Variants in JPH2 observed in about 807,000 individuals in gnomAD.
JPH2 encodes junctophilin 2.
A neutral mutation model predicts 55.9 loss-of-function variants in JPH2; 38 were observed. That is an observed-to-expected ratio of 0.68 (90% CI 0.52 to 0.89). JPH2 has a LOEUF of 0.89. JPH2 is among the 40% of genes least tolerant of loss of function. JPH2 has a pLI of 0.00. For synonymous variants in JPH2, 480 were observed against 472.4 expected, an observed-to-expected ratio of 1.02 and a Z score of -0.21; for missense variants, 964 against 1,037.6, an observed-to-expected ratio of 0.93 and a Z score of 0.97.
chr20:44,167,652 T>C (rs1378052191), intron 1 of JPH2, among the ~76,000 whole-genome samples: 1 of 152,240 alleles, frequency 6.6e-6, no homozygotes, highest in African/African-American at 2.4e-5. Context: ...CTCCTTGCAG[T>C]TGCTCTTCTG....
rs2072597437 is a variant in JPH2 at position 44,160,050 on chromosome 20, A to T, written c.737T>A (p.Val246Asp). 1 of 1,548,324 alleles carries T rather than the reference A, an allele frequency of 6.5e-7. No homozygotes were observed. Among genetic ancestry groups the T allele is most frequent in the Non-Finnish European group, 8.7e-7 (1 of 1,153,466 alleles). Reference sequence around the variant, plus strand: ...GCTGAGGTCGCTCTTAAGGAAGCTGACACGGCTGCGCTGGCTACCCACGGA... The same window carrying T: ...GCTGAGGTCGCTCTTAAGGAAGCTGTCACGGCTGCGCTGGCTACCCACGGA... ...RTSVGSQRSR[V>D]SFLKSDLSSG... is the part of the protein sequence containing the mutation. Residue 246 changes from valine to aspartate, a missense_variant, in exon 2 of 6, where the codon GTC becomes GAC. Physicochemically the swap from Val to Asp is radical, Grantham distance 152. Coordinates refer to ENST00000372980, the MANE Select transcript of JPH2 (RefSeq NM_020433.5). This position sits in a 1 kb window ranked among gnomAD's most constrained non-coding sequence, Gnocchi z 4.9.
chr20:44,164,671 AAAACAAACAAAC>A (rs34787127), intron 1 of JPH2, among the ~76,000 whole-genome samples: 78,048 of 149,394 alleles, frequency 0.52, 20,460 homozygotes, highest in East Asian at 0.65. Flanking sequence ...AAAGCCTCAA[AAAACAAACAAAC>A]AAACAAACAA....
chr20:44,121,903 G>A lies in JPH2; in HGVS notation c.1170-3280C>T, dbSNP rs571892175. The stretch of plus-strand genomic sequence containing the variant: ...AGCTACTCAGGAGGCTGAGGTCAGC[G>A]GGGGGATTGCTTGAGCCCAGGAGAT... On this transcript the variant is annotated intron_variant, in intron 2 of 5. Transcript: ENST00000372980. Among the ~76,000 whole-genome samples the A allele has an allele frequency of 1.8e-4, 27 of 152,092 alleles. No individual in the cohort carries two copies. In the East Asian group the frequency reaches 2.1e-3, roughly 12 times the overall value.
At chr20:44,169,701 G>A (rs983303867) in intron 1 of JPH2, among the ~76,000 whole-genome samples, 2 of 152,184 alleles carry the variant, frequency 1.3e-5, no homozygotes, top group Non-Finnish European at 2.9e-5. Context: ...TCGGTGCTAC[G>A]GTTTAATGTT....
intron 1 of JPH2, among the ~76,000 whole-genome samples, chr20:44,167,390 C>G (rs1301511847): frequency 1.3e-5 from 2 of 152,168 alleles, no homozygotes; most frequent in African/African-American, 4.8e-5. Flanking sequence ...CAAGTCTTTT[C>G]CTGAATGACA....
rs1220165759 is a variant in JPH2 at position 44,134,545 on chromosome 20, T to C, written c.1170-15922A>G. Among the ~76,000 whole-genome samples, 8 of 45,564 alleles carry C rather than the reference T, an allele frequency of 1.8e-4. 1 individual carries two copies. The highest frequency in any genetic ancestry group is 5.1e-4 in the Admixed American group (1 of 1,980). 29.9% of individuals were successfully genotyped at this position (45,564 alleles called of 152,430 possible). A position where few individuals can be genotyped will look rare whatever the true frequency, so the allele number is the denominator to read the frequency against. On this transcript the variant is annotated intron_variant, in intron 2 of 5. Coordinates refer to ENST00000372980, the MANE Select transcript of JPH2 (RefSeq NM_020433.5). ...TAATAAATATATATAAATAAATATA[T>C]ATTTATAATATATATAAATAAATAT...
At chr20:44,134,496 T>A (rs1224326267) in intron 2 of JPH2, among the ~76,000 whole-genome samples, 5 of 7,038 alleles carry the variant, frequency 7.1e-4, no homozygotes, top group East Asian at 0.01. Context: ...TATATATTTA[T>A]TATATATAAA....
chr20:44,117,605 A>T (rs528510479), intron 3 of JPH2, among the ~76,000 whole-genome samples: 1 of 152,328 alleles, frequency 6.6e-6, no homozygotes, highest in Admixed American at 6.5e-5. Context: ...GCTCCACCTG[A>T]GACCTACTGA....
chr20:44,145,204 C>T (rs2072484978), intron 2 of JPH2, among the ~76,000 whole-genome samples: 1 of 152,222 alleles, frequency 6.6e-6, no homozygotes, highest in African/African-American at 2.4e-5. Flanking sequence ...GGGCCAGGCA[C>T]TGGTCTCACT....
intron 1 of JPH2, chr20:44,177,325 G>A (rs892158392): frequency 2.0e-6 from 2 of 987,034 alleles, no homozygotes; most frequent in East Asian, 1.1e-4. Flanking sequence ...AGGGTGTGGA[G>A]GGCAGGGCCT....
chr20:44,151,362 C>T (rs1400843025), intron 2 of JPH2, among the ~76,000 whole-genome samples: 1 of 152,028 alleles, frequency 6.6e-6, no homozygotes. Flanking sequence ...ACTAAAAATA[C>T]AAAAATTGGC....
At position 44,110,248 on chromosome 20, in the gene JPH2, C is replaced by A. The variant is rs939919363; in HGVS notation, c.*3270G>T. ...CATACACACACACACACAGACACAC[C>A]CCATCTGCAGACCGGCCAACTGGGC... On this transcript the variant is annotated 3_prime_UTR_variant, in exon 6 of 6. Transcript: ENST00000372980. Among the ~76,000 whole-genome samples, 1 of 151,752 alleles carries A rather than the reference C, an allele frequency of 6.6e-6. No homozygotes were observed. Among genetic ancestry groups the A allele is most frequent in the Non-Finnish European group, 1.5e-5 (1 of 67,966 alleles).
At chr20:44,162,745 CATATAT>C (rs1157323951) in intron 1 of JPH2, among the ~76,000 whole-genome samples, 759 of 52,402 alleles carry the variant, frequency 0.014, 7 homozygotes, top group Non-Finnish European at 0.017. Context: ...AATAAACTTC[CATATAT>C]ATATATATAT....
intron 2 of JPH2, among the ~76,000 whole-genome samples, chr20:44,132,399 C>CACACACACACACACACACAG (rs71195518): frequency 9.7e-4 from 127 of 130,492 alleles, no homozygotes; most frequent in South Asian, 4.0e-3. Flanking sequence ...CACACACACA[C>CACACACACACACACACACAG]ACATTTGGGC....
intron 1 of JPH2, among the ~76,000 whole-genome samples, chr20:44,179,675 T>G (rs185692959): frequency 1.2e-3 from 180 of 152,346 alleles, no homozygotes; most frequent in Non-Finnish European, 9.6e-4. Flanking sequence ...GTCCACATTT[T>G]CATTTTGCAC....
intron 2 of JPH2, among the ~76,000 whole-genome samples, chr20:44,157,087 G>A (rs573364913): frequency 2.6e-5 from 4 of 152,238 alleles, no homozygotes; most frequent in East Asian, 3.9e-4. Context: ...TTCATTGTAC[G>A]ATGACAATGA....
rs553429556 is a variant in JPH2, at chr20:44,137,994, A to G, written c.1170-19371T>C. The stretch of plus-strand genomic sequence containing the variant: ...AGAAAGTGCATCTGTAAAAAGAGAA[A>G]AAATTTAAAAAGACCTTTTTTTTTT... On this transcript the variant is annotated intron_variant, in intron 2 of 5. Transcript: ENST00000372980. Among the ~76,000 whole-genome samples, 3 of 152,082 alleles carry G rather than the reference A, an allele frequency of 2.0e-5. No homozygotes were observed. The East Asian group carries it at 5.8e-4, about 29-fold the overall frequency.
At chr20:44,175,970 T>C (rs2072730322) in intron 1 of JPH2, among the ~76,000 whole-genome samples, 1 of 152,190 alleles carries the variant, frequency 6.6e-6, no homozygotes, top group Non-Finnish European at 1.5e-5. Flanking sequence ...TCACCCATGG[T>C]GTCCAGTACT....
intron 1 of JPH2, among the ~76,000 whole-genome samples, chr20:44,181,703 G>A (rs1205135305): frequency 2.0e-5 from 3 of 152,178 alleles, no homozygotes; most frequent in African/African-American, 4.8e-5. Flanking sequence ...TCTCGTCCTG[G>A]AGTCTCCCTC....
Sources: gnomAD v4.1 joint callset for allele counts (sites outside exome capture counted in the v4.1 genomes callset) on GRCh38, gnomAD v4.1.1 for gene constraint, Gnocchi (gnomAD v3.1) non-coding constraint, MANE v1.5 for transcripts, NCBI Gene and HGNC (gene_info 2026-07-23, HGNC 2026-07-21) for gene names.